IFT140: variants seen among roughly 807,000 people sequenced by gnomAD.
The protein encoded by IFT140 is intraflagellar transport 140, also known as intraflagellar transport protein 140 homolog.
IFT140 carries 133 observed loss-of-function variants against 164.6 expected under a neutral mutation model. The ratio of observed to expected loss-of-function variants is 0.81; its 90% CI spans 0.70 to 0.93. IFT140 has a LOEUF of 0.93. Ranked by LOEUF, IFT140 falls within the 40% of genes least tolerant of loss-of-function variation. The pLI, the probability that IFT140 is intolerant of heterozygous loss-of-function variation, is 0.00. For synonymous variants in IFT140, 860 were observed against 817.3 expected (o/e 1.05, Z -0.89); for missense variants, 2,045 against 1,972.3 (o/e 1.04, Z -0.70).
At chr16:1,584,176 C>T (rs749513472) in intron 11 of IFT140, 41 bp downstream of exon 11, 1 of 1,579,258 alleles carries the variant, frequency 6.3e-7, no homozygotes, top group Non-Finnish European at 8.6e-7. Flanking sequence ...TGGGGCAGTT[C>T]TTCTGTCTGT....
chr16:1,595,963 C>T (rs1428978783), intron 4 of IFT140, among the ~76,000 whole-genome samples: 2 of 151,422 alleles, frequency 1.3e-5, no homozygotes, highest in Non-Finnish European at 2.9e-5. Flanking sequence ...GGCTGAGGCA[C>T]AAGAATTGCT....
At chr16:1,566,324 G>T (rs755641078) in intron 15 of IFT140, 33 bp from the exon 16 acceptor site, 2 of 1,610,026 alleles carry the variant, frequency 1.2e-6, no homozygotes, top group Non-Finnish European at 1.7e-6. Context: ...AGCTCACGGA[G>T]CCTGCCCAGA....
At chr16:1,568,939 G>C (rs1430847287) in intron 14 of IFT140, among the ~76,000 whole-genome samples, 1 of 151,858 alleles carries the variant, frequency 6.6e-6, no homozygotes, top group Non-Finnish European at 1.5e-5. Flanking sequence ...TCCCCTGCCA[G>C]TGACATTTAG....
chr16:1,559,665 C>T (rs1215289681), intron 18 of IFT140, among the ~76,000 whole-genome samples: 1 of 152,240 alleles, frequency 6.6e-6, no homozygotes, highest in African/African-American at 2.4e-5. Context: ...CCAGCCATGA[C>T]CACAGCTGGC....
At position 1,523,849 on chromosome 16, in the gene IFT140, C is replaced by A; in HGVS notation, c.3249G>T (p.Arg1083Ser). 6 of 1,613,400 alleles carry A rather than the reference C, an allele frequency of 3.7e-6. No individual in the cohort carries two copies. Among genetic ancestry groups the A allele is most frequent in the Non-Finnish European group, 5.1e-6 (6 of 1,180,006 alleles). ...TCACCTTGTGGTACAGCATGACCGCCCTGTCCATCTGCACGCCCTTCTCCT... is the reference window on the plus strand; with the variant it reads ...TCACCTTGTGGTACAGCATGACCGCACTGTCCATCTGCACGCCCTTCTCCT... ...YYEEKGVQMD[R>S]AVMLYHKAGH... The change falls in exon 25 of 31, where the codon AGG (arginine) becomes AGT (serine). Residue 1083 changes from arginine (R) to serine (S), a missense_variant. Arg to Ser is a moderately radical substitution (Grantham distance 110). Transcript: ENST00000426508.
At chr16:1,608,631 CAAAAA>C (rs10675170) in intron 2 of IFT140, among the ~76,000 whole-genome samples, 1 of 83,722 alleles carries the variant, frequency 1.2e-5, no homozygotes, top group East Asian at 3.3e-4. Flanking sequence ...GACTCCGCCT[CAAAAA>C]AAAAAAAAAA....
intron 6 of IFT140, among the ~76,000 whole-genome samples, 154 bp from the exon 7 acceptor site, chr16:1,589,934 T>C (rs959138069): frequency 2.0e-5 from 3 of 152,184 alleles, no homozygotes; most frequent in South Asian, 2.1e-4. Flanking sequence ...AAGTGGCTCA[T>C]GCCTGTAATC....
Position 1,586,255 on chromosome 16 carries a change from C to G in IFT140, c.1030G>C (p.Asp344His). The stretch of plus-strand genomic sequence containing the variant: ...CTCCACATGGCTACTCGCCCTCTGT[C>G]GGTACCAGCGGCCAGAAGACCTACA... ...KVKGLLAAGT[D>H]RGRVAMWRKV... The change falls in exon 10 of 31, where the codon GAC becomes CAC. Residue 344 changes from aspartate (D) to histidine (H), a missense_variant. Physicochemically the swap from Asp to His is moderately conservative, Grantham distance 81 (BLOSUM62 -1). Transcript: ENST00000426508. The G allele has an allele frequency of 6.2e-7, 1 of 1,613,344 alleles. No individual in the cohort carries two copies. Among genetic ancestry groups the G allele is most frequent in the Non-Finnish European group, 8.5e-7 (1 of 1,179,716 alleles).
Position 1,579,280 on chromosome 16 carries a change from G to A in IFT140, c.1524+1479C>T, listed in dbSNP as rs554998585. On this transcript the variant is annotated intron_variant, in intron 13 of 30. Transcript: ENST00000426508. ...ATCATCTTCACACTGAACAGGCAGA[G>A]GAGGTTGCTGATCTTGGTGTCTCGG... The A allele has an allele frequency of 7.2e-5, 11 of 152,244 alleles. No individual in the cohort carries two copies. The East Asian group carries it at 1.9e-3, about 27-fold the overall frequency. 9.4% of individuals were successfully genotyped at this position (152,244 alleles called of 1,614,324 possible). A position where few individuals can be genotyped will look rare whatever the true frequency, so the allele number is the denominator to read the frequency against.
chr16:1,534,468 G>A (rs368847022), intron 19 of IFT140: 9 of 1,611,098 alleles, frequency 5.6e-6, no homozygotes, highest in Non-Finnish European at 2.5e-6. Context: ...TGGGGCCAGA[G>A]CCGGCCAGGT....
chr16:1,539,180 C>T (rs973914352), intron 19 of IFT140, among the ~76,000 whole-genome samples: 7 of 151,970 alleles, frequency 4.6e-5, no homozygotes, highest in Non-Finnish European at 1.0e-4. Flanking sequence ...CACGCCGCCC[C>T]ACGCCTTGGG....
chr16:1,519,793 C>T (rs1216227155), intron 29 of IFT140, 88 bp downstream of exon 29: 6 of 1,296,166 alleles, frequency 4.6e-6, no homozygotes, highest in South Asian at 1.6e-5. Context: ...GCTGTCCTGC[C>T]CTTTTGCTGG....
rs1316413521 is a variant in IFT140 at position 1,551,144 on chromosome 16, T to G, written c.2399+6791A>C. ...GTCTACTTTGGTCTCCTCAAACGATTAACTCAAAAAGTAATTGCGGAGAGA... is the reference window on the plus strand; with the variant it reads ...GTCTACTTTGGTCTCCTCAAACGATGAACTCAAAAAGTAATTGCGGAGAGA... On this transcript the variant is annotated intron_variant, in intron 19 of 30. Transcript: ENST00000426508. This position sits in a 1 kb window ranked among gnomAD's most constrained non-coding sequence, Gnocchi z 4.0. Among the ~76,000 whole-genome samples the G allele has an allele frequency of 2.0e-5, 3 of 152,218 alleles. No individual in the cohort carries two copies. The highest frequency in any genetic ancestry group is 4.4e-5 in the Non-Finnish European group (3 of 68,034).
chr16:1,572,912 T>G (rs150033233), intron 13 of IFT140, among the ~76,000 whole-genome samples: 2 of 152,246 alleles, frequency 1.3e-5, no homozygotes, highest in African/African-American at 4.8e-5. Flanking sequence ...AACGGCTGAA[T>G]GCATCCTGGG....
intron 2 of IFT140, among the ~76,000 whole-genome samples, chr16:1,608,588 G>A (rs1387896199): frequency 7.1e-6 from 1 of 140,710 alleles, no homozygotes; most frequent in East Asian, 2.1e-4. Context: ...AGCTGAGATC[G>A]CGCCACTGTA....
chr16:1,525,250 C>A lies in IFT140; in HGVS notation c.2845G>T (p.Val949Leu). The change falls in exon 22 of 31, where the codon GTG (valine) becomes TTG (leucine). Residue 949 changes from valine to leucine, a missense_variant. Val to Leu is a conservative substitution (Grantham distance 32). Transcript: ENST00000426508. ...SEDLPSLELYVNKMKDKTLWR... is the reference protein window; with the variant it reads ...SEDLPSLELYLNKMKDKTLWR... ...ACTCACTTATCCTTCATTTTATTCA[C>A]GTAGAGCTCCAGGGACGGCAGGTCC... 6.2e-7 allele frequency: 1 copy of A among 1,612,484 alleles called. No homozygotes were observed.
chr16:1,598,696 G>T (rs1021391041), intron 4 of IFT140, among the ~76,000 whole-genome samples: 1 of 152,250 alleles, frequency 6.6e-6, no homozygotes, highest in Non-Finnish European at 1.5e-5. Context: ...TTGGGCATCC[G>T]CTAAGCCACA....
Position 1,592,455 on chromosome 16 carries a change from C to T in IFT140, c.491+12G>A. The T allele has an allele frequency of 6.2e-7, 1 of 1,613,646 alleles. No individual in the cohort carries two copies. Among genetic ancestry groups the T allele is most frequent in the Non-Finnish European group, 8.5e-7 (1 of 1,179,680 alleles). On this transcript the variant is annotated intron_variant, in intron 5 of 30. Coordinates refer to ENST00000426508, the MANE Select transcript of IFT140 (RefSeq NM_014714.4). ...ACACACACACAGGTCACAGGGCAAG[C>T]CCCACACTTACTCGCCAGGAGGGGG...
chr16:1,519,889 C>T lies in IFT140; in HGVS notation c.4032G>A (p.Gln1344=), dbSNP rs1198378053. The change falls in exon 29 of 31, where the codon CAG becomes CAA. Residue 1344 remains glutamine, a synonymous_variant. Transcript: ENST00000426508. ...SRMALVKRFI[Q]ARRTYTEDPK... ...TGGCCCCGGGGGCACACCTGCGGGCCTGGATGAACCTCTTCACCAGTGCCA... is the reference window on the plus strand; with the variant it reads ...TGGCCCCGGGGGCACACCTGCGGGCTTGGATGAACCTCTTCACCAGTGCCA... The T allele has an allele frequency of 1.3e-6, 2 of 1,546,788 alleles. No homozygotes were observed. The highest frequency in any genetic ancestry group is 1.7e-6 in the Non-Finnish European group (2 of 1,148,890).
Sources: gnomAD v4.1 joint callset for allele counts (sites outside exome capture counted in the v4.1 genomes callset) on GRCh38, gnomAD v4.1.1 for gene constraint, Gnocchi (gnomAD v3.1) non-coding constraint, MANE v1.5 for transcripts, NCBI Gene and HGNC (gene_info 2026-07-23, HGNC 2026-07-21) for gene names.